XRCC4: variants seen among roughly 807,000 people sequenced by gnomAD.
The protein encoded by XRCC4 is DNA repair protein XRCC4.
In XRCC4, 28 loss-of-function variants were observed where a neutral mutation model predicts 39.1. That is an observed-to-expected ratio of 0.72 (90% CI 0.53 to 0.98). The LOEUF is 0.98. XRCC4 is among the 50% of genes least tolerant of loss of function. XRCC4 has a pLI of 0.00. For missense variants in XRCC4, 350 were observed against 376.4 expected (o/e 0.93, Z 0.58); for synonymous variants, 123 against 126.4 (o/e 0.97, Z 0.18).
chr5:83,363,009 G>A, the XRCC4 span, among the ~76,000 whole-genome samples: 4 of 152,160 alleles, frequency 2.6e-5, no homozygotes, highest in Non-Finnish European at 4.4e-5. Context: ...TTGGCTTCCA[G>A]GTTTTTGAAA....
chr5:83,152,990 C>T (rs1748786369), intron 3 of XRCC4, among the ~76,000 whole-genome samples: 1 of 152,140 alleles, frequency 6.6e-6, no homozygotes, highest in African/African-American at 2.4e-5. Flanking sequence ...TCACCAAAGT[C>T]ACAAATACGT....
At chr5:83,305,514 A>ACTT (rs564656851) in intron 7 of XRCC4, among the ~76,000 whole-genome samples, 17 of 152,270 alleles carry the variant, frequency 1.1e-4, no homozygotes, top group African/African-American at 4.1e-4. Flanking sequence ...GGGTAACTGA[A>ACTT]CTTTTATTAT....
At chr5:83,206,750 G>A (rs1375882422) in intron 6 of XRCC4, among the ~76,000 whole-genome samples, 1 of 152,140 alleles carries the variant, frequency 6.6e-6, no homozygotes, top group Non-Finnish European at 1.5e-5. Flanking sequence ...CATCAAGGCA[G>A]TAGACAGAGG....
At chr5:83,200,872 A>G (rs1751160562) in intron 4 of XRCC4, among the ~76,000 whole-genome samples, 1 of 152,216 alleles carries the variant, frequency 6.6e-6, no homozygotes, top group Non-Finnish European at 1.5e-5. Context: ...GAAGATAAGA[A>G]TATCATGCTT....
intron 7 of XRCC4, among the ~76,000 whole-genome samples, chr5:83,290,325 CTT>C (rs1427220844): frequency 1.3e-5 from 2 of 151,352 alleles, no homozygotes; most frequent in South Asian, 4.2e-4. Flanking sequence ...CTTATTTTGA[CTT>C]ATATATACAT....
chr5:83,367,933 T>C, the XRCC4 span, among the ~76,000 whole-genome samples: 1 of 151,916 alleles, frequency 6.6e-6, no homozygotes, highest in Admixed American at 6.6e-5. Flanking sequence ...GTGTACAACA[T>C]AGGCAGCTCT....
intron 6 of XRCC4, among the ~76,000 whole-genome samples, chr5:83,223,217 ATGTTACTG>A (rs1255853353): frequency 6.6e-6 from 1 of 152,052 alleles, no homozygotes; most frequent in East Asian, 1.9e-4. Flanking sequence ...TTTAACTCAG[ATGTTACTG>A]TGTTTGGTTT....
At chr5:83,362,798 C>CA in the XRCC4 span, among the ~76,000 whole-genome samples, 1 of 152,012 alleles carries the variant, frequency 6.6e-6, no homozygotes, top group Non-Finnish European at 1.5e-5. Flanking sequence ...TTCTCTGTAT[C>CA]AATAATCTTA....
chr5:83,309,339 C>T (rs558557276), intron 7 of XRCC4, among the ~76,000 whole-genome samples: 10 of 117,280 alleles, frequency 8.5e-5, no homozygotes, highest in African/African-American at 2.8e-4. Flanking sequence ...CTGGCAATCA[C>T]ATTAATTTAA....
intron 3 of XRCC4, among the ~76,000 whole-genome samples, chr5:83,121,850 T>A (rs1342320026): frequency 6.6e-6 from 1 of 151,990 alleles, no homozygotes; most frequent in Non-Finnish European, 1.5e-5. Context: ...GTGATACATT[T>A]TGAGTTAATT....
intron 6 of XRCC4, among the ~76,000 whole-genome samples, chr5:83,229,094 C>G (rs1361936795): frequency 6.6e-6 from 1 of 151,946 alleles, no homozygotes; most frequent in African/African-American, 2.4e-5. Context: ...ATAAAATGAA[C>G]AGAAACAACT....
At chr5:83,364,678 G>A in the XRCC4 span, among the ~76,000 whole-genome samples, 1 of 152,182 alleles carries the variant, frequency 6.6e-6, no homozygotes, top group Non-Finnish European at 1.5e-5. Context: ...CCTATGAAGA[G>A]GACACCTACA....
Position 83,209,389 on chromosome 5 carries a change from A to G in XRCC4, c.745+4468A>G, listed in dbSNP as rs369915489. Among the ~76,000 whole-genome samples, 36 of 152,208 alleles carry G rather than the reference A, an allele frequency of 2.4e-4. No individual in the cohort carries two copies. The East Asian group carries it at 4.4e-3, about 19-fold the overall frequency. On this transcript the variant is annotated intron_variant, in intron 6 of 7. Coordinates refer to ENST00000396027, the MANE Select transcript of XRCC4 (RefSeq NM_003401.5). ...CCAACCATATCAGATATAATCTAAG[A>G]ACAGTTTCGCATTGTGCAGTTTTAA... is the stretch of plus-strand genomic sequence containing the variant.
chr5:83,354,723 C>T (rs1757170404), downstream of XRCC4, among the ~76,000 whole-genome samples: 1 of 152,170 alleles, frequency 6.6e-6, no homozygotes, highest in Non-Finnish European at 1.5e-5. Context: ...TTCACTACCA[C>T]AATGCAGTTG....
intron 7 of XRCC4, among the ~76,000 whole-genome samples, chr5:83,309,755 CAAAAAAAAAA>C (rs10597317): frequency 7.6e-5 from 6 of 79,052 alleles, no homozygotes; most frequent in African/African-American, 2.7e-4. Context: ...AGACCCGTCT[CAAAAAAAAAA>C]AAAAAAAAAA....
chr5:83,238,875 A>G (rs887444445), intron 6 of XRCC4, among the ~76,000 whole-genome samples: 3 of 152,206 alleles, frequency 2.0e-5, no homozygotes, highest in Admixed American at 1.3e-4. Context: ...AATAATGTCA[A>G]CTTTTCCTTT....
chr5:83,283,457 T>C (rs958340213), intron 7 of XRCC4, among the ~76,000 whole-genome samples: 9 of 152,226 alleles, frequency 5.9e-5, no homozygotes, highest in Non-Finnish European at 1.0e-4. Flanking sequence ...ACTATTATTT[T>C]TGAGGTGCCA....
chr5:83,370,645 T>A, the XRCC4 span, among the ~76,000 whole-genome samples: 1 of 152,128 alleles, frequency 6.6e-6, no homozygotes, highest in African/African-American at 2.4e-5. Context: ...TTGGTGTGTG[T>A]CATCACTGAA....
chr5:83,115,351 C>T (rs754712723), intron 3 of XRCC4, among the ~76,000 whole-genome samples: 21 of 152,240 alleles, frequency 1.4e-4, no homozygotes, highest in South Asian at 2.1e-4. Context: ...GGCTTGAACC[C>T]GGAAGGCAGA....
Sources: allele counts gnomAD v4.1 joint callset (sites outside exome capture counted in the v4.1 genomes callset), GRCh38; gene constraint gnomAD v4.1.1; transcripts MANE v1.5; gene names NCBI Gene and HGNC (gene_info 2026-07-23, HGNC 2026-07-21).